The following MMRN1 variants were observed in gnomAD, a reference collection of about 807,000 sequenced individuals.
The protein encoded by MMRN1 is multimerin 1, also known as multimerin-1.
MMRN1 carries 94 observed loss-of-function variants against 100.7 expected under a neutral mutation model. The ratio of observed to expected loss-of-function variants is 0.93; its 90% CI spans 0.79 to 1.11. The LOEUF is 1.11. Ranked by LOEUF, MMRN1 falls within the 50% of genes least tolerant of loss-of-function variation. The probability of loss-of-function intolerance (pLI) is 0.00; values close to 1 mark genes in which losing one functional copy is unlikely to be tolerated. For missense variants in MMRN1, 1,606 were observed against 1,439.1 expected (o/e 1.12, Z -1.88); for synonymous variants, 575 against 505.0 (o/e 1.14, Z -1.86).
intron 5 of MMRN1, among the ~76,000 whole-genome samples, chr4:89,934,040 A>C (rs1722526594): frequency 6.6e-6 from 1 of 151,974 alleles, no homozygotes; most frequent in African/African-American, 2.4e-5. Context: ...TTCATGCTAC[A>C]TTTAGAGACT....
At chr4:89,942,785 G>A (rs1722874195) in intron 6 of MMRN1, among the ~76,000 whole-genome samples, 1 of 151,812 alleles carries the variant, frequency 6.6e-6, no homozygotes, top group Non-Finnish European at 1.5e-5. Context: ...GAGAAATAAA[G>A]CAATCAATGA....
intron 5 of MMRN1, among the ~76,000 whole-genome samples, chr4:89,930,748 C>CT (rs1489070199): frequency 6.6e-6 from 1 of 151,798 alleles, no homozygotes; most frequent in African/African-American, 2.4e-5. Flanking sequence ...CTTACATATT[C>CT]TTTTTTGTAA....
At chr4:89,910,356 C>A (rs992000927) in intron 2 of MMRN1, among the ~76,000 whole-genome samples, 1 of 151,492 alleles carries the variant, frequency 6.6e-6, no homozygotes, top group Non-Finnish European at 1.5e-5. Context: ...TAGCCCCTAG[C>A]ATACTGCCCT....
intron 1 of MMRN1, among the ~76,000 whole-genome samples, chr4:89,899,569 A>T (rs758262493): frequency 2.6e-5 from 4 of 152,092 alleles, no homozygotes; most frequent in Non-Finnish European, 5.9e-5. Flanking sequence ...CCAATTGTGA[A>T]TGGGGTCAGT....
At chr4:89,951,042 A>T (rs1198921729) in intron 6 of MMRN1, among the ~76,000 whole-genome samples, 1 of 152,030 alleles carries the variant, frequency 6.6e-6, no homozygotes, top group Non-Finnish European at 1.5e-5. Context: ...TTTTTCTCTT[A>T]TGGTTTCTGA....
intron 5 of MMRN1, among the ~76,000 whole-genome samples, chr4:89,931,181 T>C (rs1722420920): frequency 6.6e-6 from 1 of 152,166 alleles, no homozygotes; most frequent in Non-Finnish European, 1.5e-5. Context: ...ACATGGATCT[T>C]TAGGGTGCAG....
intron 1 of MMRN1, among the ~76,000 whole-genome samples, chr4:89,896,653 A>G (rs1721214008): frequency 1.3e-5 from 2 of 152,172 alleles, no homozygotes; most frequent in South Asian, 4.1e-4. Flanking sequence ...AATAAAATAA[A>G]ATCCAAGTTA....
intron 4 of MMRN1, among the ~76,000 whole-genome samples, chr4:89,927,139 A>C (rs1302070340): frequency 1.3e-5 from 2 of 150,690 alleles, no homozygotes; most frequent in Non-Finnish European, 2.9e-5. Context: ...GTTCCATATA[A>C]ATTTTAGGAT....
upstream of MMRN1, chr4:89,894,761 C>A: frequency 2.8e-6 from 2 of 707,634 alleles, no homozygotes; most frequent in Non-Finnish European, 4.2e-6. Context: ...ATAGAGCCAT[C>A]CCACTAGAGG....
At position 89,895,576 on chromosome 4, in the gene MMRN1, T is replaced by G. The variant is rs1291584532; in HGVS notation, c.605T>G (p.Phe202Cys). ...AGAACTGACTACCAAAAATCAAATT[T>G]CGAAACAACTAGAGGAAAGTAAGAA... ...SQRTDYQKSN[F>C]ETTRGKNWCA... Residue 202 changes from phenylalanine to cysteine, a missense_variant, in exon 1 of 8, where the codon TTC (phenylalanine) becomes TGC (cysteine). Transcript: ENST00000264790. 1.2e-6 allele frequency: 2 copies of G among 1,613,456 alleles called. No individual in the cohort carries two copies. The highest frequency in any genetic ancestry group is 1.7e-4 in the Middle Eastern group (1 of 6,056).
At chr4:89,902,189 G>C (rs112249493) in intron 1 of MMRN1, 3 of 149,428 alleles carry the variant, frequency 2.0e-5, no homozygotes, top group Non-Finnish European at 3.0e-5. Context: ...GGTAGGGGGA[G>C]GGGGGAGGGA....
At position 89,946,885 on chromosome 4, in the gene MMRN1, C is replaced by G. The variant is rs572396706; in HGVS notation, c.3119-4720C>G. Among the ~76,000 whole-genome samples the G allele has an allele frequency of 2.6e-5, 4 of 152,096 alleles. No individual in the cohort carries two copies. In the East Asian group the frequency reaches 7.7e-4, roughly 29 times the overall value. On this transcript the variant is annotated intron_variant, in intron 6 of 7. Transcript: ENST00000264790. ...GTGGTAGAATGTTGACTTGGAAGAA[C>G]TATTGAACTAATTGCACTGATCTCC...
intron 6 of MMRN1, among the ~76,000 whole-genome samples, chr4:89,950,469 A>T (rs1219043633): frequency 1.3e-5 from 2 of 152,306 alleles, no homozygotes; most frequent in East Asian, 3.9e-4. Context: ...TTGCATGAAA[A>T]GGCCCATTTT....
At chr4:89,921,589 C>T (rs1016249295) in intron 3 of MMRN1, among the ~76,000 whole-genome samples, 18 of 152,144 alleles carry the variant, frequency 1.2e-4, no homozygotes, top group South Asian at 4.1e-4. Flanking sequence ...CTTTTCCCCA[C>T]GCAATCCATC....
At chr4:89,903,583 G>A (rs999541788) in intron 1 of MMRN1, among the ~76,000 whole-genome samples, 7 of 151,656 alleles carry the variant, frequency 4.6e-5, no homozygotes, top group Non-Finnish European at 1.0e-4. Flanking sequence ...AAAAAATCCC[G>A]CTTAACTCTG....
intron 3 of MMRN1, among the ~76,000 whole-genome samples, chr4:89,915,610 G>T (rs926226745): frequency 1.3e-5 from 2 of 150,738 alleles, no homozygotes; most frequent in Admixed American, 1.3e-4. Flanking sequence ...AAAAAAAAAA[G>T]CATCTAATAA....
chr4:89,945,927 G>T (rs1164215227), intron 6 of MMRN1, among the ~76,000 whole-genome samples: 2 of 152,122 alleles, frequency 1.3e-5, no homozygotes, highest in Non-Finnish European at 1.5e-5. Context: ...AGTAAACATG[G>T]TTTGAAACAG....
At chr4:89,898,559 G>A (rs1411546330) in intron 1 of MMRN1, among the ~76,000 whole-genome samples, 1 of 151,622 alleles carries the variant, frequency 6.6e-6, no homozygotes, top group East Asian at 1.9e-4. Flanking sequence ...ATCTAGATTT[G>A]TTACCCAGTT....
At chr4:89,916,374 AAACAAAC>A (rs1721918170) in intron 3 of MMRN1, among the ~76,000 whole-genome samples, 1 of 142,616 alleles carries the variant, frequency 7.0e-6, no homozygotes, top group African/African-American at 2.8e-5. Context: ...GAAAAAAAAA[AAACAAAC>A]AAACAAACAA....
Sources: gnomAD v4.1 joint callset for allele counts (sites outside exome capture counted in the v4.1 genomes callset) on GRCh38, gnomAD v4.1.1 for gene constraint, MANE v1.5 for transcripts, NCBI Gene and HGNC (gene_info 2026-07-23, HGNC 2026-07-21) for gene names.